Variants in MYLIP observed in about 807,000 individuals in gnomAD.
MYLIP encodes the protein E3 ubiquitin-protein ligase MYLIP.
MYLIP carries 26 observed loss-of-function variants against 45.8 expected under a neutral mutation model. The ratio of observed to expected loss-of-function variants is 0.57; its 90% CI spans 0.42 to 0.79. MYLIP has a LOEUF of 0.79. MYLIP is among the 30% of genes least tolerant of loss of function. The probability of loss-of-function intolerance (pLI) is 0.00; values close to 1 mark genes in which losing one functional copy is unlikely to be tolerated. For synonymous variants in MYLIP, 213 were observed against 218.1 expected (o/e 0.98, Z 0.21); for missense variants, 494 against 555.6 (o/e 0.89, Z 1.11).
At position 16,146,412 on chromosome 6, in the gene MYLIP, G is replaced by A. The variant is rs910445681; in HGVS notation, c.1249-250G>A. On this transcript the variant is annotated intron_variant, in intron 6 of 6. Transcript: ENST00000356840. Reference sequence around the variant, plus strand: ...CTTTATTCAATGTACCTTCTTTAGCGTTTCACTAAAAATGTAATTAATTTC... The same window carrying A: ...CTTTATTCAATGTACCTTCTTTAGCATTTCACTAAAAATGTAATTAATTTC... Among the ~76,000 whole-genome samples the A allele has an allele frequency of 4.6e-5, 7 of 152,168 alleles. No individual in the cohort carries two copies. The South Asian group carries it at 6.2e-4, about 13-fold the overall frequency.
chr6:16,131,060 A>C (rs1581600405), intron 2 of MYLIP, among the ~76,000 whole-genome samples: 1 of 149,668 alleles, frequency 6.7e-6, no homozygotes, highest in African/African-American at 2.5e-5. Context: ...AAACCACCCT[A>C]CCCGAGTGAC....
Position 16,143,054 on chromosome 6 carries a change from A to T in MYLIP, c.499A>T (p.Ser167Cys), listed in dbSNP as rs1759705904. 1 of 1,614,106 alleles carries T rather than the reference A, an allele frequency of 6.2e-7. No homozygotes were observed. Among genetic ancestry groups the T allele is most frequent in the Non-Finnish European group, 8.5e-7 (1 of 1,180,046 alleles). ...AAAACATAAGGAGTTGGAGGGGACC[A>T]GCCAGGCTTCAGCTGAATACCAAGT... Reference protein sequence around the residue: ...VAKHKELEGTSQASAEYQVLQ... With the variant: ...VAKHKELEGTCQASAEYQVLQ... The change falls in exon 4 of 7, where the codon AGC becomes TGC. Residue 167 changes from serine to cysteine, a missense_variant. Physicochemically the swap from Ser to Cys is moderately radical, Grantham distance 112. Coordinates refer to ENST00000356840, the MANE Select transcript of MYLIP (RefSeq NM_013262.4).
intron 2 of MYLIP, among the ~76,000 whole-genome samples, chr6:16,136,000 A>T (rs1759548797): frequency 6.6e-6 from 1 of 151,910 alleles, no homozygotes; most frequent in Non-Finnish European, 1.5e-5. Context: ...ATTTCAAAAT[A>T]AGTTGTATAT....
the MYLIP span, chr6:16,163,489 CTTGGGTTA>C: frequency 6.6e-6 from 1 of 152,202 alleles, no homozygotes; most frequent in East Asian, 1.9e-4. Context: ...GTCTTGGGTT[CTTGGGTTA>C]GACAACTTGT....
rs1216617152 is a variant in MYLIP at position 16,146,836 on chromosome 6, A to T, written c.*85A>T. 8.3e-7 allele frequency: 1 copy of T among 1,202,358 alleles called. No homozygotes were observed. The highest frequency in any genetic ancestry group is 1.2e-6 in the Non-Finnish European group (1 of 848,090). The allele number at this position is 1,202,358 out of a possible 1,614,324, so 74.5% of individuals were successfully genotyped here. A position where few individuals can be genotyped will look rare whatever the true frequency, so the allele number is the denominator to read the frequency against. Reference sequence around the variant, plus strand: ...AAAATGATAGATTGTGGAGAAAGTAATTATTCCAACACCCATCTGCCATGC... The same window carrying T: ...AAAATGATAGATTGTGGAGAAAGTATTTATTCCAACACCCATCTGCCATGC... On this transcript the variant is annotated 3_prime_UTR_variant, in exon 7 of 7. Transcript: ENST00000356840.
chr6:16,140,501 A>G (rs1209024501), intron 2 of MYLIP, among the ~76,000 whole-genome samples: 4 of 152,180 alleles, frequency 2.6e-5, no homozygotes, highest in Non-Finnish European at 4.4e-5. Flanking sequence ...CGAGGCACTT[A>G]AGAAGTCATA....
At chr6:16,139,238 T>C (rs780143946) in intron 2 of MYLIP, among the ~76,000 whole-genome samples, 1 of 151,842 alleles carries the variant, frequency 6.6e-6, no homozygotes, top group African/African-American at 2.4e-5. Context: ...CCGTCTCTAA[T>C]AAAAATACAA....
chr6:16,155,839 G>A, the MYLIP span, among the ~76,000 whole-genome samples: 6 of 152,146 alleles, frequency 3.9e-5, no homozygotes, highest in Admixed American at 1.3e-4. Flanking sequence ...AGCTCAGTGG[G>A]CCCTCTGCCT....
chr6:16,135,354 T>G (rs537074799), intron 2 of MYLIP, among the ~76,000 whole-genome samples: 3 of 152,320 alleles, frequency 2.0e-5, no homozygotes, highest in South Asian at 2.1e-4. Flanking sequence ...CAATTAGAAG[T>G]GTTCTTCTGG....
At chr6:16,146,366 G>GAA (rs1454023598) in intron 6 of MYLIP, among the ~76,000 whole-genome samples, 1 of 152,228 alleles carries the variant, frequency 6.6e-6, no homozygotes, top group Non-Finnish European at 1.5e-5. Flanking sequence ...ATTCTGCACA[G>GAA]AAAGACGTCT....
chr6:16,138,366 A>G (rs980061818), intron 2 of MYLIP, among the ~76,000 whole-genome samples: 8 of 152,112 alleles, frequency 5.3e-5, no homozygotes, highest in African/African-American at 1.9e-4. Context: ...GATAGTTACA[A>G]TCCAGATGGT....
At chr6:16,141,481 T>A in intron 2 of MYLIP, 144 bp from the exon 3 acceptor site, 1 of 722,332 alleles carries the variant, frequency 1.4e-6, no homozygotes, top group Non-Finnish European at 2.2e-6. Context: ...CTGATGATTT[T>A]TTTTTGAAGT....
downstream of MYLIP, among the ~76,000 whole-genome samples, chr6:16,148,539 G>A (rs185389503): frequency 2.8e-4 from 43 of 151,722 alleles, no homozygotes; most frequent in African/African-American, 1.0e-3. Context: ...ATGTCTTTGG[G>A]TGGTTAGATT....
At chr6:16,145,464 A>C in intron 6 of MYLIP, 147 bp downstream of exon 6, 1 of 823,182 alleles carries the variant, frequency 1.2e-6, no homozygotes, top group Non-Finnish European at 1.9e-6. Flanking sequence ...GGTGACCTAA[A>C]AGGCATTGCC....
At position 16,129,792 on chromosome 6, in the gene MYLIP, G is replaced by A. The variant is rs1561784850; in HGVS notation, c.87+383G>A. Among the ~76,000 whole-genome samples, 1 of 152,252 alleles carries A rather than the reference G, an allele frequency of 6.6e-6. No homozygotes were observed. Among genetic ancestry groups the A allele is most frequent in the Non-Finnish European group, 1.5e-5 (1 of 68,042 alleles). On this transcript the variant is annotated intron_variant, in intron 1 of 6. Transcript: ENST00000356840. The surrounding 1 kb of genome is among the most constrained non-coding windows in gnomAD (Gnocchi z 5.1). Reference sequence around the variant, plus strand: ...CGCGGCGCCTGGCAGTGCCACCCGCGTGCCAGGATGGGATGGAGTGGCTCG... The same window carrying A: ...CGCGGCGCCTGGCAGTGCCACCCGCATGCCAGGATGGGATGGAGTGGCTCG...
chr6:16,144,326 T>G (rs1383196028), intron 5 of MYLIP, among the ~76,000 whole-genome samples: 1 of 152,172 alleles, frequency 6.6e-6, no homozygotes, highest in African/African-American at 2.4e-5. Flanking sequence ...AGGAGAAGGA[T>G]AGCACAGATC....
the MYLIP span, among the ~76,000 whole-genome samples, chr6:16,158,868 T>TCAAAA: frequency 2.0e-3 from 297 of 152,250 alleles, 1 homozygote; most frequent in African/African-American, 4.6e-3. Context: ...AGACTCCGTC[T>TCAAAA]CAAAACAAAA....
chr6:16,129,859 G>A lies in MYLIP; in HGVS notation c.87+450G>A, dbSNP rs190023818. Among the ~76,000 whole-genome samples, 1 of 152,352 alleles carries A rather than the reference G, an allele frequency of 6.6e-6. No individual in the cohort carries two copies. Among genetic ancestry groups the A allele is most frequent in the Non-Finnish European group, 1.5e-5 (1 of 68,024 alleles). On this transcript the variant is annotated intron_variant, in intron 1 of 6. Coordinates refer to ENST00000356840, the MANE Select transcript of MYLIP (RefSeq NM_013262.4). This position sits in a 1 kb window ranked among gnomAD's most constrained non-coding sequence, Gnocchi z 5.1. ...CAGGGGTTCTTGGCAGACAAGCCGG[G>A]CCCTTGTCTCACGCTGCTTCTCAGG...
chr6:16,148,287 C>A (rs1759836176), downstream of MYLIP: 1 of 152,166 alleles, frequency 6.6e-6, no homozygotes, highest in East Asian at 1.9e-4. Context: ...AGTTTTATTT[C>A]ATTTCAAAGA....
Sources: gnomAD v4.1 joint callset for allele counts (sites outside exome capture counted in the v4.1 genomes callset) on GRCh38, gnomAD v4.1.1 for gene constraint, Gnocchi (gnomAD v3.1) non-coding constraint, MANE v1.5 for transcripts, NCBI Gene and HGNC (gene_info 2026-07-23, HGNC 2026-07-21) for gene names.